The following KIF16B variants were observed in gnomAD, a reference collection of about 807,000 sequenced individuals.
KIF16B encodes the protein kinesin family member 16B.
Under a neutral mutation model 156.3 loss-of-function variants are expected in KIF16B, and 98 were observed. The observed-to-expected ratio is 0.63, with a 90% CI of 0.53 to 0.74. The LOEUF (loss-of-function observed/expected upper bound fraction) is 0.74. KIF16B is among the 30% of genes least tolerant of loss of function. The pLI, the probability that KIF16B is intolerant of heterozygous loss-of-function variation, is 0.00. For missense variants in KIF16B, 1,421 were observed against 1,606.5 expected (o/e 0.88, Z 1.97); for synonymous variants, 564 against 583.7 (o/e 0.97, Z 0.49).
chr20:16,490,490 G>A (rs758777094), intron 12 of KIF16B, among the ~76,000 whole-genome samples: 18 of 151,980 alleles, frequency 1.2e-4, no homozygotes, highest in Admixed American at 9.8e-4. Context: ...GCAGTGAGCC[G>A]AAATCACACC....
At chr20:16,489,044 G>C (rs1056828862) in intron 12 of KIF16B, among the ~76,000 whole-genome samples, 4 of 152,238 alleles carry the variant, frequency 2.6e-5, no homozygotes, top group Admixed American at 2.6e-4. Flanking sequence ...TGAAGGAACA[G>C]CTGGAAAGCC....
chr20:16,392,865 G>A (rs567226928), intron 17 of KIF16B, among the ~76,000 whole-genome samples: 4 of 152,240 alleles, frequency 2.6e-5, no homozygotes, highest in South Asian at 2.1e-4. Context: ...AATTCTGGGC[G>A]TGGATTTAGC....
chr20:16,383,589 C>A (rs2065157253), intron 17 of KIF16B, among the ~76,000 whole-genome samples: 1 of 152,086 alleles, frequency 6.6e-6, no homozygotes, highest in African/African-American at 2.4e-5. Context: ...AGTCCTAGGA[C>A]TTCATTAAAA....
chr20:16,507,017 C>T (rs376089765), intron 7 of KIF16B, among the ~76,000 whole-genome samples: 1 of 151,120 alleles, frequency 6.6e-6, no homozygotes, highest in Non-Finnish European at 1.5e-5. Context: ...TGGGAGATCA[C>T]TTGAGCCCAG....
intron 18 of KIF16B, 31 bp from the exon 19 acceptor site, chr20:16,380,194 C>G (rs1451934901): frequency 1.4e-6 from 2 of 1,468,342 alleles, no homozygotes; most frequent in Non-Finnish European, 1.8e-6. Flanking sequence ...TGGTTGTTAT[C>G]TGGTCATTGT....
chr20:16,389,402 T>C (rs2065309017), intron 17 of KIF16B, among the ~76,000 whole-genome samples: 1 of 151,860 alleles, frequency 6.6e-6, no homozygotes, highest in South Asian at 2.1e-4. Context: ...CTCCTGGCCT[T>C]TTGCCTGGAA....
In KIF16B at chr20:16,511,758, C is replaced by T. The variant is rs78452780; in HGVS notation, c.447-231G>A. Among the ~76,000 whole-genome samples, 597 of 152,280 alleles carry T rather than the reference C, an allele frequency of 3.9e-3. 5 individuals are homozygous for T. The highest frequency in any genetic ancestry group is 0.023 in the East Asian group (117 of 5,176). ...TACAGTGGGTCCTCAAATAACAATG[C>T]TTCCTTCAACATCATATTGCTATAA... On this transcript the variant is annotated intron_variant, in intron 5 of 25. Coordinates refer to ENST00000354981, the MANE Select transcript of KIF16B (RefSeq NM_024704.5).
chr20:16,573,309 C>G lies in KIF16B; in HGVS notation c.-34G>C. The G allele has an allele frequency of 1.9e-6, 3 of 1,608,676 alleles. No individual in the cohort carries two copies. The highest frequency in any genetic ancestry group is 2.5e-6 in the Non-Finnish European group (3 of 1,178,350). On this transcript the variant is annotated 5_prime_UTR_variant, in exon 1 of 26. Coordinates refer to ENST00000354981, the MANE Select transcript of KIF16B (RefSeq NM_024704.5). The stretch of plus-strand genomic sequence containing the variant: ...CCGAACCAGCCCGCGCGGGGTCCCA[C>G]TAGCCCAGAACTCCGCGGTCGCCGG...
chr20:16,349,463 G>A (rs1409631400), intron 23 of KIF16B, among the ~76,000 whole-genome samples: 5 of 152,228 alleles, frequency 3.3e-5, no homozygotes, highest in Non-Finnish European at 7.3e-5. Context: ...CCTAAGAGGA[G>A]CTGCTGTTTT....
intron 3 of KIF16B, among the ~76,000 whole-genome samples, chr20:16,519,119 T>C (rs2069242536): frequency 1.3e-5 from 2 of 152,240 alleles, no homozygotes; most frequent in Admixed American, 1.3e-4. Flanking sequence ...TTGATTCCTG[T>C]GAGGATTAAA....
At chr20:16,497,811 A>C in intron 10 of KIF16B, 133 bp from the exon 11 acceptor site, 1 of 632,428 alleles carries the variant, frequency 1.6e-6, no homozygotes, top group African/African-American at 1.8e-5. Context: ...ACACCCTGCC[A>C]AAAAGTGTTG....
chr20:16,522,576 C>CT (rs1010088439), intron 3 of KIF16B, among the ~76,000 whole-genome samples: 8 of 152,162 alleles, frequency 5.3e-5, no homozygotes, highest in Non-Finnish European at 7.3e-5. Context: ...TAGTGGGAGA[C>CT]TTTAACACCC....
chr20:16,422,416 G>A lies in KIF16B; in HGVS notation c.1612+4688C>T, dbSNP rs114355886. 9.1e-3 allele frequency among the ~76,000 whole-genome samples: 1,383 copies of A among 152,110 alleles called. 16 individuals carry two copies. The highest frequency in any genetic ancestry group is 0.023 in the East Asian group (119 of 5,154). ...CAAGAGACTATTTTACCTATAACAC[G>A]GCAGGAACATTGCTGGTCAATGTAA... On this transcript the variant is annotated intron_variant, in intron 15 of 25. Transcript: ENST00000354981.
At chr20:16,427,035 C>T (rs1019403313) in intron 15 of KIF16B, 69 bp downstream of exon 15, 53 of 1,350,502 alleles carry the variant, frequency 3.9e-5, no homozygotes, top group Non-Finnish European at 4.8e-5. Flanking sequence ...CACATGTTCC[C>T]CCATTGCCTA....
intron 20 of KIF16B, 74 bp from the exon 21 acceptor site, chr20:16,371,835 A>G (rs1312820120): frequency 1.5e-5 from 15 of 996,124 alleles, no homozygotes; most frequent in Admixed American, 8.8e-5. Context: ...TCTCTTTACT[A>G]CGCCCTTCAC....
At chr20:16,291,323 C>T (rs553700174) in intron 25 of KIF16B, among the ~76,000 whole-genome samples, 100 of 152,268 alleles carry the variant, frequency 6.6e-4, no homozygotes, top group African/African-American at 2.0e-3. Flanking sequence ...CTGGTCATCT[C>T]GTTACTTAAG....
At chr20:16,429,558 C>T (rs1233412855) in intron 13 of KIF16B, among the ~76,000 whole-genome samples, 1 of 152,110 alleles carries the variant, frequency 6.6e-6, no homozygotes, top group Non-Finnish European at 1.5e-5. Flanking sequence ...AAAATCCCCC[C>T]AGCTGTTTAC....
chr20:16,440,452 A>G (rs1202074519), intron 12 of KIF16B, among the ~76,000 whole-genome samples: 2 of 152,100 alleles, frequency 1.3e-5, no homozygotes, highest in African/African-American at 4.8e-5. Flanking sequence ...AAAATGAACT[A>G]AAAATATAAA....
chr20:16,567,120 A>T (rs1463208186), intron 1 of KIF16B, among the ~76,000 whole-genome samples: 1 of 152,170 alleles, frequency 6.6e-6, no homozygotes, highest in Non-Finnish European at 1.5e-5. Context: ...AGTAGGGGAG[A>T]CTTGGATTCA....
Sources: gnomAD v4.1 joint callset for allele counts (sites outside exome capture counted in the v4.1 genomes callset) on GRCh38, gnomAD v4.1.1 for gene constraint, MANE v1.5 for transcripts, NCBI Gene and HGNC (gene_info 2026-07-23, HGNC 2026-07-21) for gene names.